The following SPAG16 variants were observed in gnomAD, a reference collection of about 807,000 sequenced individuals.
The protein encoded by SPAG16 is sperm associated antigen 16.
A neutral mutation model predicts 80.4 loss-of-function variants in SPAG16; 86 were observed. The ratio of observed to expected loss-of-function variants is 1.07; its 90% CI spans 0.90 to 1.28. SPAG16 has a LOEUF of 1.28. SPAG16 is among the 50% of genes most tolerant of loss of function. The probability of loss-of-function intolerance (pLI) is 0.00; values close to 1 mark genes in which losing one functional copy is unlikely to be tolerated. For missense variants in SPAG16, 870 were observed against 765.3 expected (o/e 1.14, Z -1.61); for synonymous variants, 294 against 265.9 (o/e 1.11, Z -1.03).
At chr2:214,179,403 A>T (rs1334121864) in intron 15 of SPAG16, among the ~76,000 whole-genome samples, 1 of 151,466 alleles carries the variant, frequency 6.6e-6, no homozygotes, top group Non-Finnish European at 1.5e-5. Flanking sequence ...TTATAGAAGA[A>T]ACCAGTTACC....
At chr2:213,337,176 A>C (rs10932479) in intron 5 of SPAG16, among the ~76,000 whole-genome samples, 62,129 of 151,972 alleles carry the variant, frequency 0.41, 13,401 homozygotes, top group East Asian at 0.67. Context: ...GAAAACAACA[A>C]CAACATCAAT....
chr2:213,995,099 T>C (rs1293371296), intron 12 of SPAG16, among the ~76,000 whole-genome samples: 3 of 152,206 alleles, frequency 2.0e-5, no homozygotes, highest in African/African-American at 7.2e-5. Context: ...TTCTCATGCG[T>C]CCTCCTCATT....
chr2:213,714,379 G>T (rs1314296536), intron 10 of SPAG16, among the ~76,000 whole-genome samples: 1 of 152,152 alleles, frequency 6.6e-6, no homozygotes, highest in Non-Finnish European at 1.5e-5. Context: ...TTCCAGTCAA[G>T]AAAGAACTTA....
intron 13 of SPAG16, among the ~76,000 whole-genome samples, chr2:214,016,872 G>A (rs1208299697): frequency 6.6e-6 from 1 of 152,056 alleles, no homozygotes; most frequent in South Asian, 2.1e-4. Flanking sequence ...CAATAAGAAA[G>A]AGAAATGTAA....
intron 10 of SPAG16, among the ~76,000 whole-genome samples, chr2:213,635,900 T>G (rs1457157991): frequency 6.6e-6 from 1 of 152,236 alleles, no homozygotes; most frequent in Admixed American, 6.5e-5. Context: ...CTCTGTGGGT[T>G]GTCTGCTGGC....
At chr2:214,320,017 G>A (rs1207795813) in intron 15 of SPAG16, among the ~76,000 whole-genome samples, 1 of 152,196 alleles carries the variant, frequency 6.6e-6, no homozygotes, top group Non-Finnish European at 1.5e-5. Flanking sequence ...CAGGATACAA[G>A]CTCAGGTGAA....
intron 15 of SPAG16, among the ~76,000 whole-genome samples, chr2:214,301,325 TAA>T (rs1288848878): frequency 6.7e-6 from 1 of 148,632 alleles, no homozygotes; most frequent in Admixed American, 6.7e-5. Context: ...CTCAAAATAA[TAA>T]GAGCCATATA....
chr2:213,375,894 A>G (rs2066859798), intron 9 of SPAG16, among the ~76,000 whole-genome samples: 1 of 151,278 alleles, frequency 6.6e-6, no homozygotes, highest in Non-Finnish European at 1.5e-5. Flanking sequence ...TTTTCTCTCT[A>G]AAACATGCAT....
At chr2:214,342,712 A>G (rs549235728) in intron 15 of SPAG16, among the ~76,000 whole-genome samples, 15 of 152,218 alleles carry the variant, frequency 9.9e-5, no homozygotes, top group African/African-American at 3.4e-4. Context: ...CAGTGGAAAA[A>G]TTGTCTTCTG....
chr2:214,122,017 T>C (rs1315595846), intron 14 of SPAG16, among the ~76,000 whole-genome samples: 1 of 151,810 alleles, frequency 6.6e-6, no homozygotes, highest in East Asian at 1.9e-4. Context: ...GAGATAATGT[T>C]CCTTTCTAGC....
intron 12 of SPAG16, among the ~76,000 whole-genome samples, chr2:213,934,952 C>T (rs1007758278): frequency 6.6e-6 from 1 of 152,098 alleles, no homozygotes; most frequent in Admixed American, 6.5e-5. Context: ...CCTGTAATCC[C>T]AGCAGTTTGG....
intron 10 of SPAG16, among the ~76,000 whole-genome samples, chr2:213,628,313 A>C (rs2062029592): frequency 6.6e-6 from 1 of 152,188 alleles, no homozygotes; most frequent in South Asian, 2.1e-4. Flanking sequence ...GAAGCTCCTG[A>C]TTCCTCCCAG....
intron 10 of SPAG16, among the ~76,000 whole-genome samples, chr2:213,576,616 A>G (rs1442435594): frequency 2.6e-5 from 4 of 152,194 alleles, no homozygotes; most frequent in East Asian, 1.9e-4. Flanking sequence ...AATGTGGTAC[A>G]TATACACCAT....
intron 10 of SPAG16, among the ~76,000 whole-genome samples, chr2:213,736,503 G>A (rs2067288938): frequency 1.3e-5 from 2 of 151,974 alleles, no homozygotes; most frequent in African/African-American, 4.8e-5. Flanking sequence ...GGCCAGGCTG[G>A]TCTCAAACTC....
At chr2:213,400,892 G>A (rs2068274682) in intron 9 of SPAG16, among the ~76,000 whole-genome samples, 1 of 151,834 alleles carries the variant, frequency 6.6e-6, no homozygotes, top group Non-Finnish European at 1.5e-5. Context: ...CAGTAGCCTC[G>A]ACCTCCCAGG....
chr2:214,116,321 A>G (rs2053932004), intron 14 of SPAG16, among the ~76,000 whole-genome samples: 1 of 152,240 alleles, frequency 6.6e-6, no homozygotes, highest in African/African-American at 2.4e-5. Context: ...ACAAGGATAC[A>G]GAAGGAGACT....
chr2:214,291,848 A>C (rs1368950219), intron 15 of SPAG16, among the ~76,000 whole-genome samples: 2 of 152,034 alleles, frequency 1.3e-5, no homozygotes, highest in African/African-American at 4.8e-5. Context: ...TTGGTTTATC[A>C]GTAAGTTTTA....
At chr2:213,561,186 G>T (rs1035022281) in intron 10 of SPAG16, among the ~76,000 whole-genome samples, 1 of 152,200 alleles carries the variant, frequency 6.6e-6, no homozygotes, top group East Asian at 1.9e-4. Context: ...CTTTTGTCCA[G>T]TTTCCTCCAT....
At chr2:213,686,702 TTTG>T in intron 10 of SPAG16, among the ~76,000 whole-genome samples, 1 of 138,826 alleles carries the variant, frequency 7.2e-6, no homozygotes, top group African/African-American at 2.9e-5. Context: ...TTTTTTTTTT[TTTG>T]AGACAGAGTC....
Sources: allele counts gnomAD v4.1 joint callset (sites outside exome capture counted in the v4.1 genomes callset), GRCh38; gene constraint gnomAD v4.1.1; transcripts MANE v1.5; gene names NCBI Gene and HGNC (gene_info 2026-07-23, HGNC 2026-07-21).